MASTL: variants seen among roughly 807,000 people sequenced by gnomAD.
The protein encoded by MASTL is microtubule associated serine/threonine kinase like, also known as serine/threonine-protein kinase greatwall.
Under a neutral mutation model 82.5 loss-of-function variants are expected in MASTL, and 54 were observed. The ratio of observed to expected loss-of-function variants is 0.65; its 90% CI spans 0.53 to 0.82. The LOEUF is 0.82. Among genes scored for constraint, MASTL ranks in the 40% least tolerant of loss-of-function variants. The pLI, the probability that MASTL is intolerant of heterozygous loss-of-function variation, is 0.00. For synonymous variants in MASTL, 323 were observed against 368.9 expected (o/e 0.88, Z 1.43); for missense variants, 950 against 1,047.8 (o/e 0.91, Z 1.29).
chr10:27,175,350 T>A (rs1247908374), intron 9 of MASTL, among the ~76,000 whole-genome samples: 1 of 151,804 alleles, frequency 6.6e-6, no homozygotes, highest in Admixed American at 6.6e-5. Context: ...GCCCGGCTAA[T>A]TTTGTATTTT....
intron 3 of MASTL, 23 bp from the exon 4 acceptor site, chr10:27,161,071 A>G (rs1444235413): frequency 6.6e-7 from 1 of 1,509,430 alleles, no homozygotes; most frequent in South Asian, 1.1e-5. Flanking sequence ...TGGTTATCTA[A>G]TATTTGCCTT....
At chr10:27,184,525 T>A (rs1261520951) in intron 11 of MASTL, among the ~76,000 whole-genome samples, 9 of 147,242 alleles carry the variant, frequency 6.1e-5, no homozygotes, top group Admixed American at 3.4e-4. Flanking sequence ...AGATTGCCAT[T>A]ATAAAAAACA....
rs764347623 is a variant in MASTL at position 27,167,279 on chromosome 10, G to C, written c.984+5G>C. 6.2e-7 allele frequency: 1 copy of C among 1,610,606 alleles called. No individual in the cohort carries two copies. Among genetic ancestry groups the C allele is most frequent in the Non-Finnish European group, 8.5e-7 (1 of 1,176,826 alleles). On this transcript the variant is annotated splice_donor_5th_base_variant and intron_variant, in intron 7 of 11. Coordinates refer to ENST00000375940, the MANE Select transcript of MASTL (RefSeq NM_001172303.3). ...AAATGGGAAAAAGATTGCCAGGTTTGAGGGACATTTATCTTAATGAAAATC... is the reference window on the plus strand; with the variant it reads ...AAATGGGAAAAAGATTGCCAGGTTTCAGGGACATTTATCTTAATGAAAATC...
Position 27,173,099 on chromosome 10 carries a change from T to A in MASTL, c.2125-19T>A. On this transcript the variant is annotated intron_variant, in intron 8 of 11. Transcript: ENST00000375940. ...AGGAATTAAGATATTTGTTATCTCT[T>A]AAACCCTTTTTGAATTAGCAGACCC... 1 of 1,614,032 alleles carries A rather than the reference T, an allele frequency of 6.2e-7. No homozygotes were observed. The highest frequency in any genetic ancestry group is 1.3e-5 in the African/African-American group (1 of 75,050).
chr10:27,175,189 T>TTATC (rs2058066864), intron 9 of MASTL, among the ~76,000 whole-genome samples: 1 of 151,642 alleles, frequency 6.6e-6, no homozygotes, highest in African/African-American at 2.4e-5. Context: ...ATTTATTTAT[T>TTATC]TATTTATTTA....
rs1441001008 is a variant in MASTL, at chr10:27,170,333, T to C, written c.1374T>C (p.Ile458=). Residue 458 remains isoleucine (I), a synonymous_variant, in exon 8 of 12, where the codon ATT becomes ATC. Coordinates refer to ENST00000375940, the MANE Select transcript of MASTL (RefSeq NM_001172303.3). ...ELVDSSPCKK[I]IQNKKTCVEY... The stretch of plus-strand genomic sequence containing the variant: ...TTGACTCCAGTCCTTGTAAAAAAAT[T>C]ATACAGAATAAAAAAACTTGTGTAG... 3 of 1,613,570 alleles carry C rather than the reference T, an allele frequency of 1.9e-6. No homozygotes were observed. The highest frequency in any genetic ancestry group is 1.7e-5 in the Admixed American group (1 of 59,972).
upstream of MASTL, chr10:27,154,567 T>G: frequency 2.5e-6 from 1 of 393,256 alleles, no homozygotes. Flanking sequence ...TTGGACTTTT[T>G]CTTCGTTTTT....
In MASTL at chr10:27,170,941, A is replaced by C; in HGVS notation, c.1982A>C (p.His661Pro). ...GTTGCTTTTCGAAGTTTTAACAGTC[A>C]TATTAATGCATCCAATAACTCAGAA... ...NAVAFRSFNS[H>P]INASNNSEPS... The change falls in exon 8 of 12, where the codon CAT becomes CCT. Residue 661 changes from histidine (H) to proline (P), a missense_variant. His to Pro is a moderately conservative substitution (Grantham distance 77). Transcript: ENST00000375940. The C allele has an allele frequency of 6.2e-7, 1 of 1,614,206 alleles. No individual in the cohort carries two copies. Among genetic ancestry groups the C allele is most frequent in the African/African-American group, 1.3e-5 (1 of 75,070 alleles).
chr10:27,165,324 C>G (rs992988306), intron 5 of MASTL, 65 bp from the exon 6 acceptor site: 7 of 1,531,174 alleles, frequency 4.6e-6, no homozygotes, highest in African/African-American at 2.7e-5. Flanking sequence ...GTATAACAGT[C>G]TATGTACTTA....
At chr10:27,154,626 G>C (rs2057294798), upstream of MASTL, 2 of 278,332 alleles carry the variant, frequency 7.2e-6, no homozygotes, top group South Asian at 2.5e-4. Flanking sequence ...CTGGCGTACA[G>C]TGGCGCGATC....
At chr10:27,165,617 ATTTC>A in intron 6 of MASTL, 78 bp downstream of exon 6, 1 of 1,497,896 alleles carries the variant, frequency 6.7e-7, no homozygotes. Flanking sequence ...CTGAGGCAGG[ATTTC>A]TTTCTTTTTG....
chr10:27,165,195 C>T, intron 5 of MASTL, 25 bp downstream of exon 5: 1 of 1,488,496 alleles, frequency 6.7e-7, no homozygotes, highest in East Asian at 2.3e-5. Flanking sequence ...AGAAAATTAA[C>T]ATGACATACC....
chr10:27,186,651 A>C lies in MASTL; in HGVS notation c.*115A>C. 1 of 983,950 alleles carries C rather than the reference A, an allele frequency of 1.0e-6. No homozygotes were observed. The highest frequency in any genetic ancestry group is 1.6e-6 in the Non-Finnish European group (1 of 615,590). 61.0% of individuals were successfully genotyped at this position (983,950 alleles called of 1,614,324 possible). A position where few individuals can be genotyped will look rare whatever the true frequency, so the allele number is the denominator to read the frequency against. On this transcript the variant is annotated 3_prime_UTR_variant, in exon 12 of 12. Coordinates refer to ENST00000375940, the MANE Select transcript of MASTL (RefSeq NM_001172303.3). ...AAAGATCATTATTTAACCTAGTTCA[A>C]TGTGCTTTTAATGTACGTTACAGCT...
intron 10 of MASTL, 42 bp from the exon 11 acceptor site, chr10:27,181,438 G>T: frequency 7.4e-7 from 1 of 1,348,396 alleles, no homozygotes; most frequent in South Asian, 1.2e-5. Flanking sequence ...CTATTATTTT[G>T]AGCAGTAATA....
chr10:27,163,533 G>A lies in MASTL; in HGVS notation c.554-1531G>A, dbSNP rs544678990. On this transcript the variant is annotated intron_variant, in intron 4 of 11. Coordinates refer to ENST00000375940, the MANE Select transcript of MASTL (RefSeq NM_001172303.3). ...ACTTTTTTTGTAAAATATCATATAC[G>A]TGTATTATTATTATCACTTCATCAA... Among the ~76,000 whole-genome samples the A allele has an allele frequency of 1.6e-3, 235 of 151,592 alleles. 3 individuals are homozygous for A. In the South Asian group the frequency reaches 0.024, roughly 15 times the overall value.
chr10:27,176,849 CTTTT>C (rs11334357), intron 9 of MASTL, among the ~76,000 whole-genome samples: 4 of 124,818 alleles, frequency 3.2e-5, no homozygotes, highest in Non-Finnish European at 5.0e-5. Context: ...TTTCTTTTTT[CTTTT>C]TTTTTTTTTT....
chr10:27,164,306 G>C (rs1387223015), intron 4 of MASTL, among the ~76,000 whole-genome samples: 1 of 152,132 alleles, frequency 6.6e-6, no homozygotes, highest in Non-Finnish European at 1.5e-5. Flanking sequence ...ACAATGCCCA[G>C]CTAGTTTTTA....
In MASTL at chr10:27,165,420, C is replaced by T; in HGVS notation, c.692C>T (p.Pro231Leu). The change falls in exon 6 of 12, where the codon CCT becomes CTT. Residue 231 changes from proline to leucine, a missense_variant. Coordinates refer to ENST00000375940, the MANE Select transcript of MASTL (RefSeq NM_001172303.3). ...CCAATTGCAGAAAAAAATCAAGACCCTGCAAACATCCTTTCAGCCTGTCTG... is the reference window on the plus strand; with the variant it reads ...CCAATTGCAGAAAAAAATCAAGACCTTGCAAACATCCTTTCAGCCTGTCTG... ...NTPIAEKNQD[P>L]ANILSACLSE... 1 of 1,614,136 alleles carries T rather than the reference C, an allele frequency of 6.2e-7. No individual in the cohort carries two copies. The highest frequency in any genetic ancestry group is 8.5e-7 in the Non-Finnish European group (1 of 1,180,026).
At position 27,170,622 on chromosome 10, in the gene MASTL, T is replaced by C; in HGVS notation, c.1663T>C (p.Cys555Arg). ...GGACTACTTAAGTTCTAGTTTTCTA[T>C]GTTCTGATGATGATAGAGCTTCTAA... Reference protein sequence around the residue: ...KRDYLSSSFLCSDDDRASKNI... With the variant: ...KRDYLSSSFLRSDDDRASKNI... Residue 555 changes from cysteine (C) to arginine (R), a missense_variant, in exon 8 of 12, where the codon TGT (cysteine) becomes CGT (arginine). By Grantham distance (180) the Cys-to-Arg change is radical (BLOSUM62 -3). Transcript: ENST00000375940. 6.2e-7 allele frequency: 1 copy of C among 1,606,194 alleles called. No individual in the cohort carries two copies. Among genetic ancestry groups the C allele is most frequent in the Non-Finnish European group, 8.5e-7 (1 of 1,177,238 alleles).
Sources: gnomAD v4.1 joint callset for allele counts (sites outside exome capture counted in the v4.1 genomes callset) on GRCh38, gnomAD v4.1.1 for gene constraint, MANE v1.5 for transcripts, NCBI Gene and HGNC (gene_info 2026-07-23, HGNC 2026-07-21) for gene names.